CEP192: variants seen among roughly 807,000 people sequenced by gnomAD.
The protein encoded by CEP192 is centrosomal protein of 192 kDa.
A neutral mutation model predicts 271.8 loss-of-function variants in CEP192; 151 were observed. The observed-to-expected ratio is 0.56, with a 90% CI of 0.49 to 0.64. The LOEUF (loss-of-function observed/expected upper bound fraction) is 0.64, where lower values mean the gene tolerates loss of function less well. Among genes scored for constraint, CEP192 ranks in the 30% least tolerant of loss-of-function variants. The pLI is 0.00. For missense variants in CEP192, 2,910 were observed against 3,020.5 expected (o/e 0.96, Z 0.86); for synonymous variants, 995 against 1,076.5 (o/e 0.92, Z 1.48).
At chr18:13,066,967 G>GTA (rs1555726988) in intron 21 of CEP192, among the ~76,000 whole-genome samples, 1 of 143,044 alleles carries the variant, frequency 7.0e-6, no homozygotes, top group Non-Finnish European at 1.6e-5. Flanking sequence ...GCACGTCTGT[G>GTA]TGTGTGTGTG....
chr18:13,108,848 C>A (rs145777008), intron 40 of CEP192, among the ~76,000 whole-genome samples: 9 of 152,146 alleles, frequency 5.9e-5, no homozygotes, highest in Non-Finnish European at 1.2e-4. Flanking sequence ...GCACTCCAGC[C>A]TGTGTGACAG....
chr18:13,000,112 T>TTTTTCTAATTTAAAAAA (rs2033539153), intron 2 of CEP192, among the ~76,000 whole-genome samples: 1 of 130,336 alleles, frequency 7.7e-6, no homozygotes, highest in Non-Finnish European at 1.6e-5. Context: ...TTTTTTTTTT[T>TTTTTCTAATTTAAAAAA]TTTTTTGCTA....
intron 15 of CEP192, among the ~76,000 whole-genome samples, chr18:13,042,938 A>AGTACC (rs1193459775): frequency 3.3e-5 from 5 of 152,220 alleles, no homozygotes; most frequent in African/African-American, 1.2e-4. Context: ...AAACGTTCAT[A>AGTACC]TGAGGTGTGT....
intron 3 of CEP192, among the ~76,000 whole-genome samples, chr18:13,006,790 C>A (rs2034007915): frequency 6.6e-6 from 1 of 152,082 alleles, no homozygotes; most frequent in South Asian, 2.1e-4. Context: ...TTGGAGTCTT[C>A]AATTTTATGC....
intron 9 of CEP192, among the ~76,000 whole-genome samples, chr18:13,023,121 A>C (rs1179199161): frequency 6.6e-6 from 1 of 152,190 alleles, no homozygotes; most frequent in Non-Finnish European, 1.5e-5. Flanking sequence ...TCTACAAACA[A>C]AGACAGTTTT....
chr18:13,083,112 T>C (rs779023680), intron 30 of CEP192, among the ~76,000 whole-genome samples: 7 of 152,222 alleles, frequency 4.6e-5, no homozygotes, highest in Non-Finnish European at 7.3e-5. Context: ...GGGTTGCTCT[T>C]CTCGAGGAGT....
At chr18:13,007,830 C>G (rs35637816) in intron 3 of CEP192, among the ~76,000 whole-genome samples, 15 of 152,194 alleles carry the variant, frequency 9.9e-5, no homozygotes, top group East Asian at 1.9e-4. Flanking sequence ...GAGTCTGGCT[C>G]TAGGTATCAG....
chr18:13,111,241 C>T (rs894086740), intron 40 of CEP192, among the ~76,000 whole-genome samples: 4 of 152,198 alleles, frequency 2.6e-5, no homozygotes, highest in Non-Finnish European at 5.9e-5. Context: ...TCTCCTGTCT[C>T]AGCCTCCCGA....
intron 15 of CEP192, among the ~76,000 whole-genome samples, chr18:13,042,748 C>G (rs2036275780): frequency 6.6e-6 from 1 of 152,168 alleles, no homozygotes; most frequent in South Asian, 2.1e-4. Context: ...TTTCACCTCA[C>G]CTTACATTTG....
At chr18:13,047,365 A>C (rs1031175137) in intron 15 of CEP192, among the ~76,000 whole-genome samples, 2 of 145,450 alleles carry the variant, frequency 1.4e-5, no homozygotes, top group African/African-American at 2.4e-5. Flanking sequence ...AAACATACAC[A>C]CACACACACA....
At chr18:13,060,322 A>G (rs1003227983) in intron 21 of CEP192, among the ~76,000 whole-genome samples, 2 of 152,244 alleles carry the variant, frequency 1.3e-5, no homozygotes, top group Non-Finnish European at 2.9e-5. Flanking sequence ...AGGTACAGAA[A>G]AAATACATTA....
intron 1 of CEP192, among the ~76,000 whole-genome samples, chr18:12,993,585 C>T (rs1034988231): frequency 1.4e-4 from 22 of 152,216 alleles, no homozygotes; most frequent in African/African-American, 5.1e-4. Flanking sequence ...TGGGCTCATG[C>T]TGTCCTTCCA....
chr18:13,098,741 G>A (rs993947534), intron 36 of CEP192, among the ~76,000 whole-genome samples: 1 of 151,416 alleles, frequency 6.6e-6, no homozygotes, highest in South Asian at 2.1e-4. Context: ...GATGATGGGC[G>A]GCCAGGCAGA....
chr18:13,039,263 G>A (rs1051242794), intron 13 of CEP192, among the ~76,000 whole-genome samples: 8 of 152,064 alleles, frequency 5.3e-5, no homozygotes, highest in Admixed American at 1.3e-4. Flanking sequence ...GAGACCAACC[G>A]GCCAACATGG....
At chr18:13,007,864 C>A (rs530600403) in intron 3 of CEP192, among the ~76,000 whole-genome samples, 4 of 152,286 alleles carry the variant, frequency 2.6e-5, no homozygotes, top group African/African-American at 9.6e-5. Flanking sequence ...GAATTTGTTG[C>A]ATTTAGAGGC....
At chr18:13,097,964 A>G (rs2039488734) in intron 36 of CEP192, among the ~76,000 whole-genome samples, 1 of 152,132 alleles carries the variant, frequency 6.6e-6, no homozygotes, top group South Asian at 2.1e-4. Flanking sequence ...GTTGGGGGTA[A>G]GGTCATAGAT....
chr18:13,123,773 C>T (rs2040780970), intron 44 of CEP192, among the ~76,000 whole-genome samples: 1 of 152,146 alleles, frequency 6.6e-6, no homozygotes, highest in Non-Finnish European at 1.5e-5. Context: ...GGGACAAAAA[C>T]AAACCCCCTA....
chr18:13,023,155 T>C (rs2143314917), intron 9 of CEP192, among the ~76,000 whole-genome samples: 1 of 152,298 alleles, frequency 6.6e-6, no homozygotes, highest in African/African-American at 2.4e-5. Context: ...TCTATATACA[T>C]TTTATTTCCT....
At chr18:13,011,303 A>C (rs947556240) in intron 4 of CEP192, among the ~76,000 whole-genome samples, 2 of 152,066 alleles carry the variant, frequency 1.3e-5, no homozygotes, top group Non-Finnish European at 2.9e-5. Flanking sequence ...AACTATAATA[A>C]TAAAAAAAAA....
Sources: gnomAD v4.1 joint callset for allele counts (sites outside exome capture counted in the v4.1 genomes callset) on GRCh38, gnomAD v4.1.1 for gene constraint, MANE v1.5 for transcripts, NCBI Gene and HGNC (gene_info 2026-07-23, HGNC 2026-07-21) for gene names.